Variants in EXOC6B observed in about 807,000 individuals in gnomAD.
EXOC6B encodes the protein exocyst complex component 6B, also known as SEC15 homolog B.
In EXOC6B, 54 loss-of-function variants were observed where a neutral mutation model predicts 113.5. The ratio of observed to expected loss-of-function variants is 0.48; its 90% confidence interval spans 0.38 to 0.60. The LOEUF (loss-of-function observed/expected upper bound fraction) is 0.60. Ranked by LOEUF, EXOC6B falls within the 20% of genes least tolerant of loss-of-function variation. The pLI, the probability that EXOC6B is intolerant of heterozygous loss-of-function variation, is 0.00. For synonymous variants in EXOC6B, 357 were observed against 339.0 expected (o/e 1.05, Z -0.58); for missense variants, 797 against 977.5 (o/e 0.82, Z 2.46).
At chr2:72,704,014 C>T (rs1368056587) in intron 6 of EXOC6B, among the ~76,000 whole-genome samples, 3 of 151,910 alleles carry the variant, frequency 2.0e-5, no homozygotes, top group African/African-American at 7.3e-5. Context: ...CCCAAATCAA[C>T]AGAATATACA....
At chr2:72,623,429 GA>G (rs1447656895) in intron 6 of EXOC6B, among the ~76,000 whole-genome samples, 1 of 152,114 alleles carries the variant, frequency 6.6e-6, no homozygotes, top group Non-Finnish European at 1.5e-5. Context: ...AGTAAGTACA[GA>G]AAAGGACAAC....
In EXOC6B at chr2:72,550,908, A is replaced by ATTTT. The variant is rs1254862534; in HGVS notation, c.915+8541_915+8544dup. On this transcript the variant is annotated intron_variant, in intron 8 of 21. Coordinates refer to ENST00000272427, the MANE Select transcript of EXOC6B (RefSeq NM_015189.3). ...AACAATTACGAGATAACTGCCATTT[A>ATTTT]TTTTTTTTTTATTTTTTTTTTTTTT... Among the ~76,000 whole-genome samples the ATTTT allele has an allele frequency of 3.3e-4, 47 of 141,278 alleles. No homozygotes were observed. In the East Asian group the frequency reaches 3.6e-3, roughly 11 times the overall value. 92.7% of individuals were successfully genotyped at this position (141,278 alleles called of 152,430 possible).
intron 20 of EXOC6B, among the ~76,000 whole-genome samples, chr2:72,205,577 C>T (rs1679789536): frequency 6.6e-6 from 1 of 152,146 alleles, no homozygotes; most frequent in African/African-American, 2.4e-5. Flanking sequence ...CCAGCAAAGC[C>T]ACCTTTGGAA....
At chr2:72,465,547 A>T (rs1697994287) in intron 17 of EXOC6B, among the ~76,000 whole-genome samples, 1 of 152,172 alleles carries the variant, frequency 6.6e-6, no homozygotes, top group South Asian at 2.1e-4. Flanking sequence ...ATCCTAAGAG[A>T]TGCTAAAATG....
At chr2:72,452,279 C>T (rs535206967) in intron 18 of EXOC6B, among the ~76,000 whole-genome samples, 1 of 152,238 alleles carries the variant, frequency 6.6e-6, no homozygotes, top group East Asian at 1.9e-4. Context: ...CATGATGTCC[C>T]TGTTAGACAT....
intron 1 of EXOC6B, among the ~76,000 whole-genome samples, chr2:72,769,316 C>A (rs1049114378): frequency 1.3e-5 from 2 of 151,704 alleles, no homozygotes; most frequent in African/African-American, 2.4e-5. Flanking sequence ...GGTGACTCTA[C>A]GAAATAATAA....
chr2:72,667,192 C>T (rs780566389), intron 6 of EXOC6B, among the ~76,000 whole-genome samples: 3 of 152,068 alleles, frequency 2.0e-5, no homozygotes, highest in Non-Finnish European at 4.4e-5. Context: ...GAGAGAACTA[C>T]AAAACACTGC....
chr2:72,468,139 T>C (rs1698171471), intron 17 of EXOC6B, among the ~76,000 whole-genome samples: 2 of 152,192 alleles, frequency 1.3e-5, no homozygotes, highest in South Asian at 4.1e-4. Flanking sequence ...AGCTTTCCTG[T>C]TTGATATAAT....
intron 20 of EXOC6B, among the ~76,000 whole-genome samples, chr2:72,230,961 C>G (rs1267320045): frequency 6.6e-6 from 1 of 152,102 alleles, no homozygotes; most frequent in Non-Finnish European, 1.5e-5. Context: ...TCAAAAGAAA[C>G]AGTTAAAATG....
chr2:72,331,695 A>G (rs1228619710), intron 20 of EXOC6B, among the ~76,000 whole-genome samples: 3 of 152,240 alleles, frequency 2.0e-5, no homozygotes, highest in African/African-American at 7.2e-5. Flanking sequence ...TCACGATATT[A>G]TTAATAGTAG....
intron 5 of EXOC6B, among the ~76,000 whole-genome samples, chr2:72,726,678 CAAT>C (rs772269511): frequency 6.6e-6 from 1 of 151,922 alleles, no homozygotes; most frequent in Non-Finnish European, 1.5e-5. Context: ...AACATAACAA[CAAT>C]GACATAAGGG....
intron 20 of EXOC6B, among the ~76,000 whole-genome samples, chr2:72,296,435 T>A (rs994511131): frequency 2.0e-5 from 3 of 152,174 alleles, no homozygotes; most frequent in Non-Finnish European, 4.4e-5. Context: ...AAGAACTCCA[T>A]AAATATTTAG....
chr2:72,380,664 G>T (rs967706634), intron 18 of EXOC6B, among the ~76,000 whole-genome samples: 1 of 151,332 alleles, frequency 6.6e-6, no homozygotes, highest in Non-Finnish European at 1.5e-5. Context: ...GGAGGGGAGG[G>T]GAAGGTTATT....
At chr2:72,496,796 T>C (rs560350703) in intron 13 of EXOC6B, among the ~76,000 whole-genome samples, 2 of 151,990 alleles carry the variant, frequency 1.3e-5, no homozygotes, top group African/African-American at 4.8e-5. Context: ...CTGAAACAAA[T>C]GGACCACAAT....
intron 6 of EXOC6B, among the ~76,000 whole-genome samples, chr2:72,636,770 G>C (rs1347555098): frequency 6.6e-6 from 1 of 152,050 alleles, no homozygotes; most frequent in African/African-American, 2.4e-5. Context: ...AAAAAGATAT[G>C]CATTCTAACC....
chr2:72,405,235 T>C lies in EXOC6B; in HGVS notation c.1981-25365A>G, dbSNP rs1328744544. 2.6e-5 allele frequency among the ~76,000 whole-genome samples: 4 copies of C among 152,298 alleles called. No individual in the cohort carries two copies. The East Asian group carries it at 7.7e-4, about 29-fold the overall frequency. ...CCAAATCTACATCTGATTGGTGTACTTGAAAGTGACAGGGAGAATGGAACC... is the reference window on the plus strand; with the variant it reads ...CCAAATCTACATCTGATTGGTGTACCTGAAAGTGACAGGGAGAATGGAACC... On this transcript the variant is annotated intron_variant, in intron 18 of 21. Coordinates refer to ENST00000272427, the MANE Select transcript of EXOC6B (RefSeq NM_015189.3).
chr2:72,548,378 G>C (rs1314604148), intron 8 of EXOC6B, among the ~76,000 whole-genome samples: 1 of 152,138 alleles, frequency 6.6e-6, no homozygotes, highest in Admixed American at 6.5e-5. Flanking sequence ...GCCATAAAAG[G>C]GGGGTGAGTG....
chr2:72,807,276 G>A (rs1295372881), intron 1 of EXOC6B, among the ~76,000 whole-genome samples: 4 of 152,142 alleles, frequency 2.6e-5, no homozygotes, highest in African/African-American at 7.2e-5. Context: ...ATTAAATGGG[G>A]AGTGCTTTCC....
At chr2:72,767,808 TAAA>T (rs34358568) in intron 1 of EXOC6B, among the ~76,000 whole-genome samples, 492 of 12,660 alleles carry the variant, frequency 0.039, 18 homozygotes, top group African/African-American at 0.067. Context: ...GAGACCTTGT[TAAA>T]AAAAAAAAAA....
Sources: allele counts gnomAD v4.1 joint callset (sites outside exome capture counted in the v4.1 genomes callset), GRCh38; gene constraint gnomAD v4.1.1; transcripts MANE v1.5; gene names NCBI Gene and HGNC (gene_info 2026-07-23, HGNC 2026-07-21).